CADM2: variants seen among roughly 807,000 people sequenced by gnomAD.
CADM2 encodes cell adhesion molecule 2.
In CADM2, 12 loss-of-function variants were observed where a neutral mutation model predicts 49.8. The ratio of observed to expected loss-of-function variants is 0.24; its 90% confidence interval spans 0.15 to 0.39. The LOEUF (loss-of-function observed/expected upper bound fraction) is 0.39. Ranked by LOEUF, CADM2 falls within the 10% of genes least tolerant of loss-of-function variation. The pLI is 1.00. For synonymous variants in CADM2, 214 were observed against 175.4 expected (o/e 1.22, Z -1.74); for missense variants, 378 against 492.3 (o/e 0.77, Z 2.20).
rs375661585 is a variant in CADM2 at position 85,162,556 on chromosome 3, T to C, written c.61+202888T>C. Among the ~76,000 whole-genome samples, 15 of 152,212 alleles carry C rather than the reference T, an allele frequency of 9.9e-5. No individual in the cohort carries two copies. The East Asian group carries it at 2.7e-3, about 27-fold the overall frequency. On this transcript the variant is annotated intron_variant, in intron 1 of 9. Coordinates refer to ENST00000383699, the MANE Select transcript of CADM2 (RefSeq NM_001167675.2). ...AGTTTAATGGAAGTCAGCTGAAAGA[T>C]GTCTACCATTAAAAAAAATAATATA...
chr3:85,744,542 TAAATAAATAAG>T, intron 2 of CADM2, among the ~76,000 whole-genome samples: 2 of 151,658 alleles, frequency 1.3e-5, no homozygotes, highest in African/African-American at 4.8e-5. Flanking sequence ...AATAAATAAA[TAAATAAATAAG>T]TAAATGAAAT....
chr3:85,394,042 G>C (rs1188035176), intron 1 of CADM2, among the ~76,000 whole-genome samples: 1 of 152,030 alleles, frequency 6.6e-6, no homozygotes, highest in Non-Finnish European at 1.5e-5. Context: ...TGATCCACCC[G>C]CCTCGGCCTC....
At chr3:85,667,876 A>G (rs987483934) in intron 1 of CADM2, among the ~76,000 whole-genome samples, 1 of 152,074 alleles carries the variant, frequency 6.6e-6, no homozygotes, top group African/African-American at 2.4e-5. Context: ...TAGTTGTAGG[A>G]GTTAAATGAC....
At chr3:85,020,835 T>TA (rs1252248407) in intron 1 of CADM2, among the ~76,000 whole-genome samples, 2 of 151,660 alleles carry the variant, frequency 1.3e-5, no homozygotes, top group African/African-American at 4.8e-5. Context: ...TGCGGCACAA[T>TA]AAAAAAATGT....
rs141373237 is a variant in CADM2, at chr3:85,015,892, CAA to C, written c.61+56227_61+56228del. Among the ~76,000 whole-genome samples the C allele has an allele frequency of 6.4e-3, 967 of 152,152 alleles. 16 individuals carry two copies. The highest frequency in any genetic ancestry group is 0.022 in the African/African-American group (925 of 41,526). Reference sequence around the variant, plus strand: ...GCGAAGGCCTGGAATAGGGAATTCACAAAATTGTCATGCTTGGGTGAAACTTA... The same window carrying C: ...GCGAAGGCCTGGAATAGGGAATTCACAATTGTCATGCTTGGGTGAAACTTA... On this transcript the variant is annotated intron_variant, in intron 1 of 9. Transcript: ENST00000383699.
intron 1 of CADM2, among the ~76,000 whole-genome samples, chr3:85,012,988 A>G (rs1298581202): frequency 2.0e-5 from 3 of 151,830 alleles, no homozygotes; most frequent in Non-Finnish European, 4.4e-5. Flanking sequence ...ATTAAAACTA[A>G]AGTGCTTTTA....
At chr3:85,725,024 A>G (rs1410641414) in intron 1 of CADM2, among the ~76,000 whole-genome samples, 1 of 151,912 alleles carries the variant, frequency 6.6e-6, no homozygotes. Context: ...ACTTTAAAAA[A>G]AATCTTCACA....
At chr3:86,020,257 G>A (rs1433572427) in intron 8 of CADM2, among the ~76,000 whole-genome samples, 2 of 151,406 alleles carry the variant, frequency 1.3e-5, no homozygotes, top group South Asian at 2.1e-4. Context: ...TAAATTCCTC[G>A]ACACATACAC....
chr3:85,445,722 T>G (rs1451248291), intron 1 of CADM2, among the ~76,000 whole-genome samples: 1 of 152,068 alleles, frequency 6.6e-6, no homozygotes, highest in Admixed American at 6.6e-5. Flanking sequence ...AAAGAGATGA[T>G]TACTCTGCAA....
intron 3 of CADM2, among the ~76,000 whole-genome samples, chr3:85,852,232 A>G (rs975226414): frequency 3.9e-5 from 6 of 152,130 alleles, no homozygotes; most frequent in Non-Finnish European, 8.8e-5. Flanking sequence ...TTGGAAATAA[A>G]ATACTGTGCC....
intron 2 of CADM2, chr3:85,800,900 T>C (rs940070787): frequency 1.3e-5 from 2 of 152,216 alleles, no homozygotes; most frequent in African/African-American, 4.8e-5. Context: ...ACGCCAATAG[T>C]TCCAGCATAA....
intron 1 of CADM2, among the ~76,000 whole-genome samples, chr3:85,481,115 T>G (rs2039191282): frequency 1.3e-5 from 2 of 151,178 alleles, no homozygotes; most frequent in South Asian, 2.1e-4. Flanking sequence ...TGTTTTCAAT[T>G]ATCAGTTTAG....
intron 3 of CADM2, among the ~76,000 whole-genome samples, chr3:85,809,094 A>G (rs2072643902): frequency 6.6e-6 from 1 of 152,172 alleles, no homozygotes; most frequent in Non-Finnish European, 1.5e-5. Context: ...CAGCTATTAT[A>G]TATCTGTACA....
chr3:85,094,989 A>G (rs2037739197), intron 1 of CADM2, among the ~76,000 whole-genome samples: 1 of 152,158 alleles, frequency 6.6e-6, no homozygotes, highest in Non-Finnish European at 1.5e-5. Flanking sequence ...TTCTTGACTT[A>G]CTGAACAATA....
intron 1 of CADM2, among the ~76,000 whole-genome samples, chr3:85,188,718 C>A (rs887788320): frequency 2.6e-5 from 4 of 151,938 alleles, no homozygotes; most frequent in Admixed American, 2.6e-4. Context: ...GATATTATAT[C>A]ATTTAACTAA....
chr3:85,904,930 A>T (rs1716592261), intron 5 of CADM2, among the ~76,000 whole-genome samples: 1 of 152,144 alleles, frequency 6.6e-6, no homozygotes. Flanking sequence ...AGATGAAACT[A>T]TTTTATAATT....
At chr3:85,554,005 T>C (rs1035529960) in intron 1 of CADM2, among the ~76,000 whole-genome samples, 6 of 152,136 alleles carry the variant, frequency 3.9e-5, no homozygotes, top group African/African-American at 1.4e-4. Context: ...AATTGATCCA[T>C]TGATTATACT....
At chr3:84,993,066 A>T (rs2032980391) in intron 1 of CADM2, among the ~76,000 whole-genome samples, 1 of 152,134 alleles carries the variant, frequency 6.6e-6, no homozygotes, top group African/African-American at 2.4e-5. Context: ...TACCTAAAAC[A>T]AACTATTTTA....
rs532145390 is a variant in CADM2 at position 85,838,215 on chromosome 3, G to A, written c.238+36019G>A. 4.0e-5 allele frequency among the ~76,000 whole-genome samples: 6 copies of A among 151,778 alleles called. 1 individual carries two copies. The highest frequency in any genetic ancestry group is 1.4e-4 in the African/African-American group (6 of 41,448). Reference sequence around the variant, plus strand: ...GCAATCTATGTGAATTTAAACAAGGGGCTTGAATCTTCTGCATCTTTAAAA... The same window carrying A: ...GCAATCTATGTGAATTTAAACAAGGAGCTTGAATCTTCTGCATCTTTAAAA... On this transcript the variant is annotated intron_variant, in intron 3 of 9. Coordinates refer to ENST00000383699, the MANE Select transcript of CADM2 (RefSeq NM_001167675.2).
Sources: allele counts gnomAD v4.1 joint callset (sites outside exome capture counted in the v4.1 genomes callset), GRCh38; gene constraint gnomAD v4.1.1; transcripts MANE v1.5; gene names NCBI Gene and HGNC (gene_info 2026-07-23, HGNC 2026-07-21).